Variants in NRXN1 observed in about 807,000 individuals in gnomAD.
NRXN1 encodes neurexin 1.
NRXN1 carries 39 observed loss-of-function variants against 150.9 expected under a neutral mutation model. The observed-to-expected ratio is 0.26, with a 90% CI of 0.20 to 0.34. The LOEUF (loss-of-function observed/expected upper bound fraction) is 0.34. NRXN1 is among the 10% of genes least tolerant of loss of function. NRXN1 has a pLI of 1.00. For missense variants in NRXN1, 1,815 were observed against 1,949.9 expected (o/e 0.93, Z 1.30); for synonymous variants, 924 against 757.0 (o/e 1.22, Z -3.62).
intron 5 of NRXN1, among the ~76,000 whole-genome samples, chr2:50,820,994 G>A (rs1669646184): frequency 6.6e-6 from 1 of 152,148 alleles, no homozygotes; most frequent in Non-Finnish European, 1.5e-5. Flanking sequence ...TTCTAATTAA[G>A]CAGGTGTGAG....
intron 17 of NRXN1, among the ~76,000 whole-genome samples, chr2:50,258,943 T>G (rs553492542): frequency 6.6e-6 from 1 of 152,068 alleles, no homozygotes; most frequent in Non-Finnish European, 1.5e-5. Context: ...CTCAAAGTGT[T>G]CAGTAAATCA....
intron 17 of NRXN1, among the ~76,000 whole-genome samples, chr2:50,452,379 T>C (rs910846918): frequency 5.3e-5 from 8 of 152,072 alleles, no homozygotes; most frequent in African/African-American, 1.7e-4. Context: ...ATAGTGACAA[T>C]GAATCACGGA....
At chr2:50,472,180 T>C (rs2089542678) in intron 16 of NRXN1, 118 bp downstream of exon 16, 3 of 806,386 alleles carry the variant, frequency 3.7e-6, no homozygotes. Context: ...AATAAGGATG[T>C]CTAAGCCCAA....
At chr2:50,134,791 A>AT (rs1335360628) in intron 18 of NRXN1, among the ~76,000 whole-genome samples, 1 of 152,198 alleles carries the variant, frequency 6.6e-6, no homozygotes, top group African/African-American at 2.4e-5. Context: ...CGCAGGTTGT[A>AT]CATTTTGTGA....
intron 18 of NRXN1, among the ~76,000 whole-genome samples, chr2:50,131,431 C>T (rs1462416424): frequency 1.3e-5 from 2 of 152,262 alleles, no homozygotes; most frequent in Admixed American, 6.5e-5. Context: ...TAAACCCTAA[C>T]AAGGTCCAGT....
At chr2:50,582,644 T>C (rs1300005132) in intron 8 of NRXN1, among the ~76,000 whole-genome samples, 2 of 149,552 alleles carry the variant, frequency 1.3e-5, no homozygotes, top group African/African-American at 5.0e-5. Flanking sequence ...CTGTTCTTTA[T>C]TAACCACACT....
intron 17 of NRXN1, among the ~76,000 whole-genome samples, chr2:50,460,842 G>GA (rs2088126854): frequency 6.6e-6 from 1 of 151,904 alleles, no homozygotes; most frequent in Admixed American, 6.6e-5. Flanking sequence ...CTTCCACTTA[G>GA]AAAAAATTCA....
At chr2:50,388,409 A>G (rs2081467282) in intron 17 of NRXN1, among the ~76,000 whole-genome samples, 1 of 152,146 alleles carries the variant, frequency 6.6e-6, no homozygotes. Context: ...GACTTGCCTT[A>G]GCTCGGGCAA....
chr2:50,052,739 T>C (rs1692921816), intron 21 of NRXN1, among the ~76,000 whole-genome samples: 1 of 152,170 alleles, frequency 6.6e-6, no homozygotes, highest in Non-Finnish European at 1.5e-5. Context: ...AGAATGTTTT[T>C]TTATTTTTAA....
intron 18 of NRXN1, among the ~76,000 whole-genome samples, chr2:50,181,092 T>A (rs1285666465): frequency 6.6e-6 from 1 of 152,112 alleles, no homozygotes; most frequent in Admixed American, 6.6e-5. Flanking sequence ...AAAAGAGTTT[T>A]AAGGTATTCA....
At chr2:50,216,483 G>A (rs1482854415) in intron 18 of NRXN1, among the ~76,000 whole-genome samples, 1 of 151,956 alleles carries the variant, frequency 6.6e-6, no homozygotes, top group Non-Finnish European at 1.5e-5. Context: ...TTTGAAAACA[G>A]AATTATTACT....
intron 18 of NRXN1, among the ~76,000 whole-genome samples, chr2:50,206,254 CACACACACA>C (rs1181760022): frequency 6.8e-6 from 1 of 147,436 alleles, no homozygotes; most frequent in Non-Finnish European, 1.5e-5. Context: ...CACACACACA[CACACACACA>C]ACAATTTTTT....
intron 2 of NRXN1, among the ~76,000 whole-genome samples, chr2:50,958,006 T>A (rs1692542150): frequency 6.6e-6 from 1 of 152,138 alleles, no homozygotes; most frequent in South Asian, 2.1e-4. Flanking sequence ...TCTAAGGAAG[T>A]AAGTTGCAGC....
rs577935502 is a variant in NRXN1, at chr2:50,278,705, G to T, written c.3365-41735C>A. 1.2e-3 allele frequency among the ~76,000 whole-genome samples: 187 copies of T among 152,154 alleles called. 1 individual carries two copies. The highest frequency in any genetic ancestry group is 2.1e-3 in the Non-Finnish European group (141 of 67,990). The stretch of plus-strand genomic sequence containing the variant: ...TGAAAATTAGGCCTTACTGAGAAAA[G>T]AACCCCTTTATGTCCAAAACGGTCC... On this transcript the variant is annotated intron_variant, in intron 17 of 22. Transcript: ENST00000401669.
intron 18 of NRXN1, among the ~76,000 whole-genome samples, chr2:50,228,934 T>G (rs7601070): frequency 0.02 from 3,085 of 152,120 alleles, 109 homozygotes; most frequent in African/African-American, 0.07. Context: ...GCCTCCTCTG[T>G]GTTGTCGATA....
intron 21 of NRXN1, chr2:49,969,964 A>G (rs1677656338): frequency 6.6e-6 from 1 of 152,102 alleles, no homozygotes; most frequent in African/African-American, 2.4e-5. Flanking sequence ...CATTTTAATA[A>G]AAAAGCAGGG....
chr2:50,033,268 C>T (rs116131939), intron 21 of NRXN1, among the ~76,000 whole-genome samples: 13,027 of 151,848 alleles, frequency 0.086, 651 homozygotes, highest in Middle Eastern at 0.16. Flanking sequence ...GGTACTGGTA[C>T]AAAAACAGAC....
intron 22 of NRXN1, among the ~76,000 whole-genome samples, chr2:49,928,376 C>T (rs1267604985): frequency 6.6e-6 from 1 of 151,910 alleles, no homozygotes; most frequent in Non-Finnish European, 1.5e-5. Flanking sequence ...TTTTAAATTT[C>T]TGTCTCCACC....
chr2:50,136,647 A>T (rs537313373), intron 18 of NRXN1, among the ~76,000 whole-genome samples: 1 of 152,304 alleles, frequency 6.6e-6, no homozygotes, highest in East Asian at 1.9e-4. Flanking sequence ...CTGCAACTTT[A>T]AGGCAAAAAG....
Sources: gnomAD v4.1 joint callset for allele counts (sites outside exome capture counted in the v4.1 genomes callset) on GRCh38, gnomAD v4.1.1 for gene constraint, MANE v1.5 for transcripts, NCBI Gene and HGNC (gene_info 2026-07-23, HGNC 2026-07-21) for gene names.